THOP1: variants seen among roughly 807,000 people sequenced by gnomAD.
THOP1 encodes the protein thimet oligopeptidase.
Under a neutral mutation model 71.8 loss-of-function variants are expected in THOP1, and 49 were observed. The ratio of observed to expected loss-of-function variants is 0.68; its 90% CI spans 0.54 to 0.87. The LOEUF (loss-of-function observed/expected upper bound fraction) is 0.87. Among genes scored for constraint, THOP1 ranks in the 40% least tolerant of loss-of-function variants. The pLI is 0.00. For missense variants in THOP1, 843 were observed against 975.6 expected (o/e 0.86, Z 1.81); for synonymous variants, 426 against 421.5 (o/e 1.01, Z -0.13).
rs1916554360 is a variant in THOP1 at position 2,814,044 on chromosome 19, A to G, written c.*768A>G. ...GAGTCTCTGGGGGTTCCTGTTGGAC[A>G]CAAGTGAACCAGGTGAACCAGGGCA... On this transcript the variant is annotated 3_prime_UTR_variant, in exon 13 of 13. Transcript: ENST00000307741. 1 of 152,264 alleles carries G rather than the reference A, an allele frequency of 6.6e-6. No individual in the cohort carries two copies. The highest frequency in any genetic ancestry group is 1.5e-5 in the Non-Finnish European group (1 of 68,120). 9.4% of individuals were successfully genotyped at this position (152,264 alleles called of 1,614,324 possible).
intron 7 of THOP1, 58 bp downstream of exon 7, chr19:2,807,110 C>T: frequency 3.2e-6 from 5 of 1,543,330 alleles, no homozygotes; most frequent in Non-Finnish European, 4.4e-6. Context: ...CAGGGTCACC[C>T]CAGGGGACAG....
chr19:2,786,388 G>A (rs1330138435), intron 1 of THOP1, among the ~76,000 whole-genome samples: 2 of 152,126 alleles, frequency 1.3e-5, no homozygotes, highest in Non-Finnish European at 2.9e-5. Context: ...TGGGACTACA[G>A]GCCTGCACCA....
intron 1 of THOP1, among the ~76,000 whole-genome samples, chr19:2,787,653 C>T (rs906966183): frequency 6.6e-6 from 1 of 152,250 alleles, no homozygotes; most frequent in African/African-American, 2.4e-5. Flanking sequence ...ATGACCTCAA[C>T]TGACCGACTG....
chr19:2,808,561 T>C (rs1440751187), intron 9 of THOP1, 117 bp downstream of exon 9: 8 of 1,194,210 alleles, frequency 6.7e-6, no homozygotes, highest in Non-Finnish European at 8.0e-6. Context: ...GTCCGGTGGC[T>C]CCTTCATCCA....
chr19:2,790,323 G>A, intron 1 of THOP1, 98 bp from the exon 2 acceptor site: 1 of 1,182,638 alleles, frequency 8.5e-7, no homozygotes, highest in Non-Finnish European at 1.2e-6. Context: ...TTCTGGATGA[G>A]AAGCGGGTGA....
At chr19:2,802,506 AACACCTCACGACACCC>A (rs1916177577) in intron 5 of THOP1, among the ~76,000 whole-genome samples, 4 of 79,056 alleles carry the variant, frequency 5.1e-5, no homozygotes, top group African/African-American at 2.0e-4. Context: ...TCCCGACACC[AACACCTCACGACACCC>A]ACACCTCCCG....
chr19:2,803,453 G>A (rs1454970349), intron 5 of THOP1, among the ~76,000 whole-genome samples: 1 of 152,138 alleles, frequency 6.6e-6, no homozygotes, highest in Non-Finnish European at 1.5e-5. Flanking sequence ...ATTGCAGCCT[G>A]GGCAACAGAG....
chr19:2,810,298 C>G lies in THOP1; in HGVS notation c.1456-6C>G, dbSNP rs1256485800. 2 of 1,610,108 alleles carry G rather than the reference C, an allele frequency of 1.2e-6. No individual in the cohort carries two copies. The highest frequency in any genetic ancestry group is 2.2e-5 in the East Asian group (1 of 44,860). On this transcript the variant is annotated splice_region_variant and splice_polypyrimidine_tract_variant and intron_variant, in intron 9 of 12. Transcript: ENST00000307741. ...GGCACTCTGAGGCTCTGCCCCATCC[C>G]TGCAGGCGGAGTTCGCCATGTTCAG...
At chr19:2,796,881 G>A (rs1282054374) in intron 4 of THOP1, among the ~76,000 whole-genome samples, 1 of 152,218 alleles carries the variant, frequency 6.6e-6, no homozygotes, top group African/African-American at 2.4e-5. Context: ...ACTGCCCGGT[G>A]TGCCTGATGT....
intron 1 of THOP1, among the ~76,000 whole-genome samples, chr19:2,789,289 G>T (rs549762980): frequency 1.3e-5 from 2 of 152,192 alleles, no homozygotes; most frequent in Non-Finnish European, 2.9e-5. Flanking sequence ...GGCCCTGCAC[G>T]GTTAGGTGTT....
chr19:2,796,258 G>T (rs1424224002), intron 4 of THOP1, 70 bp downstream of exon 4: 1 of 1,282,462 alleles, frequency 7.8e-7, no homozygotes, highest in Admixed American at 2.0e-5. Context: ...GGCACAGGGA[G>T]TGCTCAGTCC....
At chr19:2,793,666 G>A (rs1280223782) in intron 2 of THOP1, among the ~76,000 whole-genome samples, 2 of 152,170 alleles carry the variant, frequency 1.3e-5, no homozygotes, top group African/African-American at 2.4e-5. Context: ...CTCCAGCTTG[G>A]GCAACAGAGT....
chr19:2,786,160 A>G (rs374873930), intron 1 of THOP1, among the ~76,000 whole-genome samples: 23 of 152,214 alleles, frequency 1.5e-4, no homozygotes, highest in African/African-American at 5.5e-4. Flanking sequence ...GGGAGAAGCA[A>G]GTGTCCTGCC....
chr19:2,799,677 C>T lies in THOP1; in HGVS notation c.487-12C>T. 2 of 1,611,892 alleles carry T rather than the reference C, an allele frequency of 1.2e-6. No homozygotes were observed. The highest frequency in any genetic ancestry group is 1.3e-5 in the African/African-American group (1 of 75,042). On this transcript the variant is annotated splice_polypyrimidine_tract_variant and intron_variant, in intron 4 of 12. Coordinates refer to ENST00000307741, the MANE Select transcript of THOP1 (RefSeq NM_003249.5). ...GTCTCTCCCTCCCCTCACGCCCCGC[C>T]TTTCTCTCCAGAACATCAAACGCAT...
Position 2,811,790 on chromosome 19 carries a change from T to TCCTGAACGGCAAGGTACGCGGGGACC in THOP1, c.1908+56_1908+57insCCTGAACGGCAAGGTACGCGGGGACC, listed in dbSNP as rs1568327315. On this transcript the variant is annotated intron_variant, in intron 12 of 12. Transcript: ENST00000307741. ...CCTGAACGGCAAGGTACGCGGGGACTGGGGACAGGGAGGGCGTCCTGAATG... is the reference window on the plus strand; with the variant it reads ...CCTGAACGGCAAGGTACGCGGGGACTCCTGAACGGCAAGGTACGCGGGGACCGGGGACAGGGAGGGCGTCCTGAATG... 59 of 786,724 alleles carry TCCTGAACGGCAAGGTACGCGGGGACC rather than the reference T, an allele frequency of 7.5e-5. 2 individuals are homozygous for TCCTGAACGGCAAGGTACGCGGGGACC. The African/African-American group carries it at 1.9e-3, about 26-fold the overall frequency. 48.7% of individuals were successfully genotyped at this position (786,724 alleles called of 1,614,324 possible). A position where few individuals can be genotyped will look rare whatever the true frequency, so the allele number is the denominator to read the frequency against.
At position 2,813,368 on chromosome 19, in the gene THOP1, T is replaced by A; in HGVS notation, c.*92T>A. The A allele has an allele frequency of 1.4e-6, 2 of 1,384,418 alleles. No homozygotes were observed. Among genetic ancestry groups the A allele is most frequent in the Non-Finnish European group, 9.6e-7 (1 of 1,042,878 alleles). The allele number at this position is 1,384,418 out of a possible 1,614,324, so 85.8% of individuals were successfully genotyped here. On this transcript the variant is annotated 3_prime_UTR_variant, in exon 13 of 13. Coordinates refer to ENST00000307741, the MANE Select transcript of THOP1 (RefSeq NM_003249.5). ...CAGGATGGGGCAGGCTCTGGCACAG[T>A]GCCTGGGACTGGCAGGGTGGCTGAG... is the stretch of plus-strand genomic sequence containing the variant.
chr19:2,786,098 G>C lies in THOP1; in HGVS notation c.16+420G>C, dbSNP rs187799368. ...TCCCAGGGACACGTTTTTAGAGAGAGGGTGGTTCCTGGGGGGCTTTTCTGA... is the reference window on the plus strand; with the variant it reads ...TCCCAGGGACACGTTTTTAGAGAGACGGTGGTTCCTGGGGGGCTTTTCTGA... On this transcript the variant is annotated intron_variant, in intron 1 of 12. Coordinates refer to ENST00000307741, the MANE Select transcript of THOP1 (RefSeq NM_003249.5). Among the ~76,000 whole-genome samples, 9 of 142,752 alleles carry C rather than the reference G, an allele frequency of 6.3e-5. No homozygotes were observed. The East Asian group carries it at 1.7e-3, about 28-fold the overall frequency. The allele number at this position is 142,752 out of a possible 152,430, so 93.7% of individuals were successfully genotyped here. A position where few individuals can be genotyped will look rare whatever the true frequency, so the allele number is the denominator to read the frequency against.
chr19:2,812,314 C>G (rs1916498162), intron 12 of THOP1: 1 of 1,535,324 alleles, frequency 6.5e-7, no homozygotes, highest in African/African-American at 1.4e-5. Context: ...AGGTGGCTAC[C>G]AGCTTTGAGG....
chr19:2,810,037 T>C, intron 9 of THOP1: 1 of 529,634 alleles, frequency 1.9e-6, no homozygotes, highest in Non-Finnish European at 3.3e-6. Flanking sequence ...GCAGCAGCTC[T>C]GTGGCTAGAG....
Sources: allele counts gnomAD v4.1 joint callset (sites outside exome capture counted in the v4.1 genomes callset), GRCh38; gene constraint gnomAD v4.1.1; transcripts MANE v1.5; gene names NCBI Gene and HGNC (gene_info 2026-07-23, HGNC 2026-07-21).